Variants in TMEM41B observed in about 807,000 individuals in gnomAD.
The protein encoded by TMEM41B is transmembrane protein 41B, also known as protein stasimon.
A neutral mutation model predicts 31.9 loss-of-function variants in TMEM41B; 18 were observed. The observed-to-expected ratio is 0.56, with a 90% CI of 0.39 to 0.84. TMEM41B has a LOEUF of 0.84. TMEM41B is among the 40% of genes least tolerant of loss of function. The probability of loss-of-function intolerance (pLI) is 0.00; values close to 1 mark genes in which losing one functional copy is unlikely to be tolerated. For synonymous variants in TMEM41B, 144 were observed against 124.3 expected (o/e 1.16, Z -1.05); for missense variants, 322 against 348.0 (o/e 0.93, Z 0.59).
chr11:9,309,867 G>A (rs1328283144), intron 1 of TMEM41B, among the ~76,000 whole-genome samples: 6 of 148,718 alleles, frequency 4.0e-5, no homozygotes, highest in African/African-American at 1.2e-4. Context: ...GGTTGCAAGT[G>A]AGCCAAGATC....
At chr11:9,290,659 G>A (rs927080568) in intron 3 of TMEM41B, among the ~76,000 whole-genome samples, 5 of 152,112 alleles carry the variant, frequency 3.3e-5, no homozygotes, top group Admixed American at 2.0e-4. Flanking sequence ...ATGAGGACAA[G>A]TTCCCAGGAA....
intron 1 of TMEM41B, among the ~76,000 whole-genome samples, chr11:9,313,746 C>T (rs1853619270): frequency 6.6e-6 from 1 of 152,142 alleles, no homozygotes; most frequent in Non-Finnish European, 1.5e-5. Flanking sequence ...TTCGTTTAAC[C>T]CACGCACCAC....
chr11:9,300,466 A>C (rs1853221599), intron 1 of TMEM41B, among the ~76,000 whole-genome samples: 1 of 152,210 alleles, frequency 6.6e-6, no homozygotes, highest in South Asian at 2.1e-4. Context: ...CTTTCTCTTT[A>C]TACCAAATGC....
chr11:9,314,365 C>T lies in TMEM41B; in HGVS notation c.77G>A (p.Gly26Glu), dbSNP rs1339262005. 3.8e-6 allele frequency: 6 copies of T among 1,586,082 alleles called. No individual in the cohort carries two copies. The South Asian group carries it at 6.9e-5, about 18-fold the overall frequency. The change falls in exon 1 of 7, where the codon GGG (glycine) becomes GAG (glutamate). Residue 26 changes from glycine to glutamate, a missense_variant. Physicochemically the swap from Gly to Glu is moderately conservative, Grantham distance 98. This residue lies in a region of TMEM41B where 183 missense variants were observed against 175.3 expected (regional missense o/e 1.04). Coordinates refer to ENST00000528080, the MANE Select transcript of TMEM41B (RefSeq NM_015012.4). ...GCCAGGCGCCGCGAGACCCCGCGTC[C>T]CCGCTGCCCCGTCCCCCACGGGGGT... ...HTTPVGDGAA[G>E]TRGLAAPGSR...
intron 2 of TMEM41B, among the ~76,000 whole-genome samples, chr11:9,296,007 C>T (rs2133624758): frequency 6.6e-6 from 1 of 151,550 alleles, no homozygotes; most frequent in African/African-American, 2.4e-5. Flanking sequence ...CAGGCACGTC[C>T]CACCATGCCT....
In TMEM41B at chr11:9,284,291, G is replaced by A. The variant is rs116600118; in HGVS notation, c.707-698C>T. ...TTTCTGAGCAGCTGGGACTACAGGC[G>A]TGTACCACCACACCCAGGCAAAATT... On this transcript the variant is annotated intron_variant, in intron 6 of 6. Transcript: ENST00000528080. Among the ~76,000 whole-genome samples the A allele has an allele frequency of 3.5e-3, 538 of 151,702 alleles. 2 individuals carry two copies. Among genetic ancestry groups the A allele is most frequent in the African/African-American group, 7.3e-3 (303 of 41,388 alleles).
chr11:9,311,822 T>A, intron 1 of TMEM41B: 1 of 530,266 alleles, frequency 1.9e-6, no homozygotes, highest in Non-Finnish European at 3.4e-6. Context: ...GTGTTACCTC[T>A]GCCTTACTCA....
rs182825052 is a variant in TMEM41B at position 9,305,594 on chromosome 11, T to C, written c.122-5893A>G. On this transcript the variant is annotated intron_variant, in intron 1 of 6. Coordinates refer to ENST00000528080, the MANE Select transcript of TMEM41B (RefSeq NM_015012.4). ...CAGCCTGGGCAACAGATATTAATTA[T>C]AGATGAATTATAGATATTAAACTGT... Among the ~76,000 whole-genome samples, 83 of 145,220 alleles carry C rather than the reference T, an allele frequency of 5.7e-4. 1 individual carries two copies. In the East Asian group the frequency reaches 0.016, roughly 28 times the overall value.
chr11:9,292,645 A>T (rs958423331), intron 3 of TMEM41B, among the ~76,000 whole-genome samples: 2 of 152,016 alleles, frequency 1.3e-5, no homozygotes, highest in Non-Finnish European at 2.9e-5. Context: ...AGCCTGGGCA[A>T]CATGATGAAA....
chr11:9,289,252 C>T (rs1366962860), intron 3 of TMEM41B, among the ~76,000 whole-genome samples: 1 of 152,108 alleles, frequency 6.6e-6, no homozygotes, highest in Non-Finnish European at 1.5e-5. Flanking sequence ...CCACAATGGA[C>T]TCCCAAAGTG....
intron 1 of TMEM41B, 65 bp from the exon 2 acceptor site, chr11:9,299,766 T>C: frequency 3.5e-6 from 4 of 1,148,196 alleles, no homozygotes; most frequent in Non-Finnish European, 5.1e-6. Flanking sequence ...AAATAATTTC[T>C]GTACATGCTT....
At chr11:9,284,446 C>T (rs1439849145) in intron 6 of TMEM41B, among the ~76,000 whole-genome samples, 4 of 151,922 alleles carry the variant, frequency 2.6e-5, no homozygotes, top group African/African-American at 9.7e-5. Context: ...GCCACCACAC[C>T]CAGACTATCA....
At chr11:9,314,268 C>G in intron 1 of TMEM41B, 53 bp downstream of exon 1, 1 of 1,539,426 alleles carries the variant, frequency 6.5e-7, no homozygotes, top group Non-Finnish European at 8.7e-7. Flanking sequence ...TTTCCCCACC[C>G]GACACACAGA....
chr11:9,314,292 C>G (rs768981298), intron 1 of TMEM41B, 29 bp downstream of exon 1: 4 of 1,586,912 alleles, frequency 2.5e-6, no homozygotes, highest in Admixed American at 3.4e-5. Flanking sequence ...CTCGGGCCAC[C>G]CCCAGCTCTG....
Position 9,283,533 on chromosome 11 carries a change from G to A in TMEM41B, c.767C>T (p.Thr256Ile). The change falls in exon 7 of 7, where the codon ACA becomes ATA. Residue 256 changes from threonine to isoleucine, a missense_variant. By Grantham distance (89) the Thr-to-Ile change is moderately conservative. Coordinates refer to ENST00000528080, the MANE Select transcript of TMEM41B (RefSeq NM_015012.4). ...KAGTTLYQLT[T>I]AGEAVSWNSI... ...GTTCCAGGAAACAGCTTCTCCTGCT[G>A]TTGTAAGTTGATACAGTGTTGTTCC... 6.2e-7 allele frequency: 1 copy of A among 1,613,538 alleles called. No individual in the cohort carries two copies. Among genetic ancestry groups the A allele is most frequent in the South Asian group, 1.1e-5 (1 of 90,978 alleles).
At position 9,282,595 on chromosome 11, in the gene TMEM41B, C is replaced by T. The variant is rs1422350602; in HGVS notation, c.*829G>A. The T allele has an allele frequency of 1.3e-5, 2 of 152,096 alleles. No individual in the cohort carries two copies. Among genetic ancestry groups the T allele is most frequent in the Non-Finnish European group, 2.9e-5 (2 of 67,980 alleles). 9.4% of individuals were successfully genotyped at this position (152,096 alleles called of 1,614,324 possible). On this transcript the variant is annotated 3_prime_UTR_variant, in exon 7 of 7. Coordinates refer to ENST00000528080, the MANE Select transcript of TMEM41B (RefSeq NM_015012.4). ...ACTTGATATCCTTTCCATATTCAGT[C>T]GTCTACTAACATGCCATCTCCAAAC...
At chr11:9,299,515 A>T in intron 2 of TMEM41B, 69 bp downstream of exon 2, 1 of 1,070,372 alleles carries the variant, frequency 9.3e-7, no homozygotes, top group Non-Finnish European at 1.4e-6. Flanking sequence ...CAGCTACTGC[A>T]CTTGGCCTTA....
At chr11:9,312,934 G>A (rs989931608) in intron 1 of TMEM41B, among the ~76,000 whole-genome samples, 19 of 140,306 alleles carry the variant, frequency 1.4e-4, no homozygotes, top group Non-Finnish European at 2.6e-4. Context: ...GAATAATTGT[G>A]TTGAATGTTT....
intron 2 of TMEM41B, among the ~76,000 whole-genome samples, chr11:9,297,124 G>C (rs975676576): frequency 6.6e-6 from 1 of 152,026 alleles, no homozygotes; most frequent in South Asian, 2.1e-4. Context: ...CTGCTCTGTC[G>C]CCCAGGTTGG....
Sources: allele counts gnomAD v4.1 joint callset (sites outside exome capture counted in the v4.1 genomes callset), GRCh38; gene constraint gnomAD v4.1.1; regional missense constraint gnomAD v4.1.1; transcripts MANE v1.5; gene names NCBI Gene and HGNC (gene_info 2026-07-23, HGNC 2026-07-21).